The following ARHGAP15 variants were observed in gnomAD, a reference collection of about 807,000 sequenced individuals.
ARHGAP15 encodes Rho GTPase activating protein 15.
In ARHGAP15, 51 loss-of-function variants were observed where a neutral mutation model predicts 63.7. The observed-to-expected ratio is 0.80, with a 90% CI of 0.64 to 1.01. The LOEUF (loss-of-function observed/expected upper bound fraction) is 1.01. Ranked by LOEUF, ARHGAP15 falls within the 50% of genes least tolerant of loss-of-function variation. The probability of loss-of-function intolerance (pLI) is 0.00; values close to 1 mark genes in which losing one functional copy is unlikely to be tolerated. For synonymous variants in ARHGAP15, 191 were observed against 193.8 expected, an observed-to-expected ratio of 0.99 and a Z score of 0.12; for missense variants, 560 against 564.6, an observed-to-expected ratio of 0.99 and a Z score of 0.08.
At chr2:143,288,604 C>T (rs542195387) in intron 6 of ARHGAP15, among the ~76,000 whole-genome samples, 2 of 143,878 alleles carry the variant, frequency 1.4e-5, no homozygotes, top group Admixed American at 1.5e-4. Context: ...TTCTCATTCC[C>T]TTAGATTCCT....
rs368876407 is a variant in ARHGAP15 at position 143,414,713 on chromosome 2, C to T, written c.475-20888C>T. Among the ~76,000 whole-genome samples, 25 of 152,298 alleles carry T rather than the reference C, an allele frequency of 1.6e-4. No individual in the cohort carries two copies. The East Asian group carries it at 3.1e-3, about 19-fold the overall frequency. On this transcript the variant is annotated intron_variant, in intron 6 of 13. Coordinates refer to ENST00000295095, the MANE Select transcript of ARHGAP15 (RefSeq NM_018460.4). ...CTTTGGATGGCGAAGGCAGGTGGAT[C>T]ACTTGAGGTCAGGAGTTTGAGACCA...
At chr2:143,318,228 G>A (rs1434908032) in intron 6 of ARHGAP15, among the ~76,000 whole-genome samples, 1 of 151,538 alleles carries the variant, frequency 6.6e-6, no homozygotes, top group African/African-American at 2.4e-5. Context: ...GGATGGTCTC[G>A]ATCTCCTGAC....
chr2:143,257,391 C>T (rs76313895), intron 6 of ARHGAP15, among the ~76,000 whole-genome samples: 1,849 of 152,166 alleles, frequency 0.012, 39 homozygotes, highest in African/African-American at 0.042. Context: ...GTCAACTTGG[C>T]TTCTTCTGTT....
chr2:143,318,285 T>G (rs1053782144), intron 6 of ARHGAP15, among the ~76,000 whole-genome samples: 1 of 152,010 alleles, frequency 6.6e-6, no homozygotes, highest in African/African-American at 2.4e-5. Context: ...GGTTTATAGG[T>G]GTGAGCCACC....
chr2:143,332,212 T>C (rs1684579195), intron 6 of ARHGAP15, among the ~76,000 whole-genome samples: 2 of 152,150 alleles, frequency 1.3e-5, no homozygotes, highest in South Asian at 4.1e-4. Context: ...ACATTATTTC[T>C]TCTCTTTGAA....
In ARHGAP15 at chr2:143,153,728, C is replaced by T. The variant is rs780626971; in HGVS notation, c.-14-1749C>T. Among the ~76,000 whole-genome samples, 8 of 151,810 alleles carry T rather than the reference C, an allele frequency of 5.3e-5. No individual in the cohort carries two copies. The East Asian group carries it at 1.4e-3, about 26-fold the overall frequency. The stretch of plus-strand genomic sequence containing the variant: ...TACTGATCAGCTTTCTGTTAGCATA[C>T]CTTAGTTGGCATTTTTGAGAATATT... On this transcript the variant is annotated intron_variant, in intron 1 of 13. Coordinates refer to ENST00000295095, the MANE Select transcript of ARHGAP15 (RefSeq NM_018460.4).
chr2:143,199,327 G>A (rs778584306), intron 2 of ARHGAP15, among the ~76,000 whole-genome samples: 7 of 152,114 alleles, frequency 4.6e-5, no homozygotes, highest in Admixed American at 3.9e-4. Flanking sequence ...ATAGATGATG[G>A]TTCCAAAAAA....
At chr2:143,660,999 A>G (rs1681739468) in intron 12 of ARHGAP15, among the ~76,000 whole-genome samples, 1 of 152,182 alleles carries the variant, frequency 6.6e-6, no homozygotes, top group Non-Finnish European at 1.5e-5. Flanking sequence ...CTCTAGGGAG[A>G]ACCCATGTTC....
intron 11 of ARHGAP15, among the ~76,000 whole-genome samples, chr2:143,599,487 CAGG>C (rs1697674651): frequency 6.6e-6 from 1 of 151,920 alleles, no homozygotes; most frequent in Non-Finnish European, 1.5e-5. Flanking sequence ...CGCTTGAAAT[CAGG>C]AGTTCGAGAC....
At chr2:143,259,387 G>A (rs1680599757) in intron 6 of ARHGAP15, among the ~76,000 whole-genome samples, 1 of 152,080 alleles carries the variant, frequency 6.6e-6, no homozygotes, top group African/African-American at 2.4e-5. Flanking sequence ...TTTGGAGGGG[G>A]CAAATACTAG....
chr2:143,715,590 C>T (rs1306910391), intron 13 of ARHGAP15, among the ~76,000 whole-genome samples: 1 of 152,080 alleles, frequency 6.6e-6, no homozygotes, highest in Non-Finnish European at 1.5e-5. Context: ...CTTGTAAATT[C>T]GTTTAAGTAC....
chr2:143,644,688 C>G (rs139958570), intron 12 of ARHGAP15, among the ~76,000 whole-genome samples: 1 of 152,192 alleles, frequency 6.6e-6, no homozygotes, highest in East Asian at 1.9e-4. Flanking sequence ...GTGATCAGAA[C>G]GCAAGTTCGG....
At chr2:143,230,919 G>A (rs1693407880) in intron 5 of ARHGAP15, among the ~76,000 whole-genome samples, 1 of 152,190 alleles carries the variant, frequency 6.6e-6, no homozygotes, top group South Asian at 2.1e-4. Flanking sequence ...GTCAAGACAA[G>A]CTGCCTGAGT....
chr2:143,190,916 G>T (rs958979377), intron 2 of ARHGAP15, among the ~76,000 whole-genome samples: 1 of 152,112 alleles, frequency 6.6e-6, no homozygotes, highest in South Asian at 2.1e-4. Flanking sequence ...GACTACAGGC[G>T]TGCGTCACCA....
Position 143,725,831 on chromosome 2 carries a change from G to C in ARHGAP15, c.1244+22307G>C, listed in dbSNP as rs188455648. Among the ~76,000 whole-genome samples, 39 of 152,150 alleles carry C rather than the reference G, an allele frequency of 2.6e-4. 1 individual carries two copies. Among genetic ancestry groups the C allele is most frequent in the Non-Finnish European group, 2.2e-4 (15 of 68,032 alleles). The stretch of plus-strand genomic sequence containing the variant: ...GGTGGGGGTTCAGCATGTAAATCCC[G>C]AAGCCTCGATGAGGAAATGGGACCA... On this transcript the variant is annotated intron_variant, in intron 13 of 13. Coordinates refer to ENST00000295095, the MANE Select transcript of ARHGAP15 (RefSeq NM_018460.4).
intron 13 of ARHGAP15, among the ~76,000 whole-genome samples, chr2:143,745,818 A>G (rs777345896): frequency 8.5e-5 from 13 of 152,204 alleles, no homozygotes; most frequent in Non-Finnish European, 1.6e-4. Context: ...TCTTCTGCCC[A>G]ACTGTCTGAT....
At chr2:143,483,409 C>A (rs1692165525) in intron 8 of ARHGAP15, among the ~76,000 whole-genome samples, 1 of 152,172 alleles carries the variant, frequency 6.6e-6, no homozygotes, top group Non-Finnish European at 1.5e-5. Flanking sequence ...CTTGGCCCTG[C>A]ATTTCTTGGT....
intron 6 of ARHGAP15, among the ~76,000 whole-genome samples, chr2:143,384,445 A>G (rs769476701): frequency 9.2e-5 from 14 of 152,232 alleles, no homozygotes; most frequent in East Asian, 5.8e-4. Flanking sequence ...ATACCACACT[A>G]TAATGTTGGC....
At chr2:143,476,422 C>T (rs1691818359) in intron 8 of ARHGAP15, among the ~76,000 whole-genome samples, 1 of 152,110 alleles carries the variant, frequency 6.6e-6, no homozygotes, top group South Asian at 2.1e-4. Flanking sequence ...AATAATAAAA[C>T]TGTACAATAT....
Sources: allele counts gnomAD v4.1 joint callset (sites outside exome capture counted in the v4.1 genomes callset), GRCh38; gene constraint gnomAD v4.1.1; transcripts MANE v1.5; gene names NCBI Gene and HGNC (gene_info 2026-07-23, HGNC 2026-07-21).